The following CCDC157 variants were observed in gnomAD, a reference collection of about 807,000 sequenced individuals.
CCDC157 encodes the protein coiled-coil domain-containing protein 157.
CCDC157 carries 60 observed loss-of-function variants against 70.9 expected under a neutral mutation model. That is an observed-to-expected ratio of 0.85 (90% confidence interval 0.69 to 1.05). CCDC157 has a LOEUF of 1.05. CCDC157 is among the 50% of genes least tolerant of loss of function. The pLI is 0.00. For missense variants in CCDC157, 943 were observed against 984.2 expected (o/e 0.96, Z 0.56); for synonymous variants, 373 against 422.4 (o/e 0.88, Z 1.43).
intron 7 of CCDC157, chr22:30,373,354 C>A: frequency 1.9e-6 from 1 of 528,060 alleles, no homozygotes; most frequent in South Asian, 2.3e-5. Context: ...CATCTGCGTT[C>A]CAAGGGCCGG....
At chr22:30,366,376 C>T (rs1396710626) in intron 3 of CCDC157, 128 bp downstream of exon 3, 41 of 1,133,534 alleles carry the variant, frequency 3.6e-5, no homozygotes, top group Middle Eastern at 4.8e-4. Flanking sequence ...GAGTACCTGT[C>T]GGGGCCACAT....
At chr22:30,365,366 G>A (rs1932651633) in intron 2 of CCDC157, among the ~76,000 whole-genome samples, 1 of 152,024 alleles carries the variant, frequency 6.6e-6, no homozygotes, top group African/African-American at 2.4e-5. Flanking sequence ...ATGGGGTAGA[G>A]GGGAGGGGAC....
intron 2 of CCDC157, among the ~76,000 whole-genome samples, chr22:30,363,251 A>G (rs141174692): frequency 1.7e-4 from 26 of 152,306 alleles, no homozygotes; most frequent in African/African-American, 6.3e-4. Context: ...CGCCACCTTC[A>G]GATGTCCACA....
chr22:30,371,248 G>A, intron 5 of CCDC157: 2 of 514,042 alleles, frequency 3.9e-6, no homozygotes, highest in Non-Finnish European at 7.0e-6. Flanking sequence ...AGTCATTGAG[G>A]GCTACTTCCA....
Position 30,376,731 on chromosome 22 carries a change from G to C in CCDC157, c.2245G>C (p.Glu749Gln). Residue 749 changes from glutamate to glutamine, a missense_variant, in exon 12 of 12, where the codon GAG (glutamate) becomes CAG (glutamine). By Grantham distance (29) the Glu-to-Gln change is conservative. Coordinates refer to ENST00000338306, the MANE Select transcript of CCDC157 (RefSeq NM_001017437.5). ...GGCCAGCTCTGCACACCAGCCCCAG[G>C]AGCGGCCCATGTAGCCTGTGGCCCA... The part of the protein sequence containing the change: ...GQASSAHQPQ[E>Q]RPM 2 of 1,612,334 alleles carry C rather than the reference G, an allele frequency of 1.2e-6. No individual in the cohort carries two copies. The highest frequency in any genetic ancestry group is 1.7e-6 in the Non-Finnish European group (2 of 1,179,424).
intron 2 of CCDC157, 116 bp downstream of exon 2, chr22:30,362,230 G>C (rs1410208333): frequency 6.6e-6 from 1 of 152,326 alleles, no homozygotes; most frequent in Non-Finnish European, 1.5e-5. Flanking sequence ...CAGCCCAGGT[G>C]ACCAGGTCAT....
chr22:30,376,136 G>C, intron 10 of CCDC157, 123 bp from the exon 11 acceptor site: 3 of 826,962 alleles, frequency 3.6e-6, no homozygotes, highest in Non-Finnish European at 3.9e-6. Context: ...GCCCCTAGGT[G>C]AAAGGGCCCA....
At chr22:30,359,882 C>T (rs1438968058) in intron 1 of CCDC157, among the ~76,000 whole-genome samples, 2 of 152,196 alleles carry the variant, frequency 1.3e-5, no homozygotes, top group African/African-American at 2.4e-5. Context: ...AGGTGTCTCA[C>T]GCCTATAATC....
chr22:30,374,261 T>C, intron 9 of CCDC157, 170 bp downstream of exon 9: 1 of 725,402 alleles, frequency 1.4e-6, no homozygotes, highest in Non-Finnish European at 2.3e-6. Flanking sequence ...CGCAAGTGCT[T>C]CATGCGTCAT....
intron 1 of CCDC157, among the ~76,000 whole-genome samples, chr22:30,360,286 A>G (rs112134485): frequency 0.041 from 6,227 of 150,394 alleles, 426 homozygotes; most frequent in African/African-American, 0.14. Flanking sequence ...GGCAGATCAC[A>G]AGGTCAGGAG....
Position 30,375,588 on chromosome 22 carries a change from C to A in CCDC157, c.1782C>A (p.Val594=). Residue 594 remains valine, a synonymous_variant, in exon 10 of 12, where the codon GTC becomes GTA. Coordinates refer to ENST00000338306, the MANE Select transcript of CCDC157 (RefSeq NM_001017437.5). ...QVQSNDIRIR[V]LQEENGRLQS... Reference sequence around the variant, plus strand: ...AGTCCAACGACATCCGCATCCGGGTCCTACAGGAGGAGAACGGGCGGCTCC... The same window carrying A: ...AGTCCAACGACATCCGCATCCGGGTACTACAGGAGGAGAACGGGCGGCTCC... The A allele has an allele frequency of 6.2e-7, 1 of 1,614,204 alleles. No individual in the cohort carries two copies. Among genetic ancestry groups the A allele is most frequent in the East Asian group, 2.2e-5 (1 of 44,868 alleles).
upstream of CCDC157, chr22:30,356,624 G>T: frequency 1.2e-6 from 1 of 847,070 alleles, no homozygotes; most frequent in Non-Finnish European, 1.6e-6. Flanking sequence ...CTTGGGACTT[G>T]CAGTCCCTCC....
rs1165477167 is a variant in CCDC157, at chr22:30,357,131, AG to A, written c.-166+1del. 1 of 254,994 alleles carries A rather than the reference AG, an allele frequency of 3.9e-6. No individual in the cohort carries two copies. The highest frequency in any genetic ancestry group is 2.2e-5 in the African/African-American group (1 of 44,976). 15.8% of individuals were successfully genotyped at this position (254,994 alleles called of 1,614,324 possible). A position where few individuals can be genotyped will look rare whatever the true frequency, so the allele number is the denominator to read the frequency against. On this transcript the variant is annotated splice_region_variant and 5_prime_UTR_variant, in exon 1 of 12. Transcript: ENST00000338306. ...AGGCTGAAGCCGCGACGCCGAAGAC[AG>A]GTGAGATGTTGTACGTCACCCGCCG...
intron 10 of CCDC157, chr22:30,375,992 A>G (rs1933326958): frequency 1.8e-6 from 1 of 546,894 alleles, no homozygotes; most frequent in South Asian, 2.3e-5. Context: ...GTTTGAGACC[A>G]GCCTGGACAA....
chr22:30,375,535 G>A lies in CCDC157; in HGVS notation c.1729G>A (p.Val577Ile), dbSNP rs745516237. ...QITCPTDSGNVTDHMERQVQS... is the reference protein window; with the variant it reads ...QITCPTDSGNITDHMERQVQS... Reference sequence around the variant, plus strand: ...AACATGTCCCACAGACTCTGGCAACGTCACAGATCACATGGAGAGGCAAGT... The same window carrying A: ...AACATGTCCCACAGACTCTGGCAACATCACAGATCACATGGAGAGGCAAGT... The change falls in exon 10 of 12, where the codon GTC becomes ATC. Residue 577 changes from valine to isoleucine, a missense_variant. Val to Ile is a conservative substitution (Grantham distance 29). Transcript: ENST00000338306. The A allele has an allele frequency of 1.1e-5, 17 of 1,614,206 alleles. No individual in the cohort carries two copies. Among genetic ancestry groups the A allele is most frequent in the East Asian group, 4.5e-5 (2 of 44,878 alleles).
upstream of CCDC157, chr22:30,356,769 C>T (rs1931887175): frequency 1.4e-6 from 2 of 1,470,038 alleles, no homozygotes; most frequent in African/African-American, 1.5e-5. Flanking sequence ...GCGGGGGCAC[C>T]GCCTGCACGG....
In CCDC157 at chr22:30,376,800, A is replaced by G; in HGVS notation, c.*55A>G. 1.3e-6 allele frequency: 2 copies of G among 1,527,154 alleles called. No individual in the cohort carries two copies. The highest frequency in any genetic ancestry group is 1.8e-6 in the Non-Finnish European group (2 of 1,120,430). 94.6% of individuals were successfully genotyped at this position (1,527,154 alleles called of 1,614,324 possible). A position where few individuals can be genotyped will look rare whatever the true frequency, so the allele number is the denominator to read the frequency against. On this transcript the variant is annotated 3_prime_UTR_variant, in exon 12 of 12. Coordinates refer to ENST00000338306, the MANE Select transcript of CCDC157 (RefSeq NM_001017437.5). Reference sequence around the variant, plus strand: ...AGGTGGCTGGCAGCCCACCCACTGTAATAAAGCCCCAGCCATTGGCCCACA... The same window carrying G: ...AGGTGGCTGGCAGCCCACCCACTGTGATAAAGCCCCAGCCATTGGCCCACA...
chr22:30,376,941 A>C lies in CCDC157; in HGVS notation c.*196A>C. ...TTCAGTCAGTCAGCAGAGTCCTGGCACTATGGGCCCTCAGTAAAAGGGGCC... is the reference window on the plus strand; with the variant it reads ...TTCAGTCAGTCAGCAGAGTCCTGGCCCTATGGGCCCTCAGTAAAAGGGGCC... On this transcript the variant is annotated 3_prime_UTR_variant, in exon 12 of 12. Transcript: ENST00000338306. 1.6e-6 allele frequency: 1 copy of C among 612,460 alleles called. No individual in the cohort carries two copies. The highest frequency in any genetic ancestry group is 2.9e-6 in the Non-Finnish European group (1 of 349,114). The allele number at this position is 612,460 out of a possible 1,614,324, so 37.9% of individuals were successfully genotyped here.
Position 30,374,418 on chromosome 22 carries a change from G to A in CCDC157, c.1672+327G>A. On this transcript the variant is annotated intron_variant, in intron 9 of 11. Coordinates refer to ENST00000338306, the MANE Select transcript of CCDC157 (RefSeq NM_001017437.5). Reference sequence around the variant, plus strand: ...GCTAATTCTTGCTCGACTTCTGTGTGTCCCCCTTCTTGGTTCTTGGAATGG... The same window carrying A: ...GCTAATTCTTGCTCGACTTCTGTGTATCCCCCTTCTTGGTTCTTGGAATGG... 5 of 522,108 alleles carry A rather than the reference G, an allele frequency of 9.6e-6. 1 individual carries two copies. The highest frequency in any genetic ancestry group is 7.4e-6 in the Non-Finnish European group (2 of 269,544). The allele number at this position is 522,108 out of a possible 1,614,324, so 32.3% of individuals were successfully genotyped here.
Sources: allele counts gnomAD v4.1 joint callset (sites outside exome capture counted in the v4.1 genomes callset), GRCh38; gene constraint gnomAD v4.1.1; transcripts MANE v1.5; gene names NCBI Gene and HGNC (gene_info 2026-07-23, HGNC 2026-07-21).